The following ESRRB variants were observed in gnomAD, a reference collection of about 807,000 sequenced individuals.
The protein encoded by ESRRB is steroid hormone receptor ERR2.
Under a neutral mutation model 46.0 loss-of-function variants are expected in ESRRB, and 16 were observed. The observed-to-expected ratio is 0.35, with a 90% confidence interval of 0.24 to 0.53. The LOEUF (loss-of-function observed/expected upper bound fraction) is 0.53, where lower values mean the gene tolerates loss of function less well. Among genes scored for constraint, ESRRB ranks in the 20% least tolerant of loss-of-function variants. ESRRB has a pLI of 0.93. For missense variants in ESRRB, 488 were observed against 607.4 expected, an observed-to-expected ratio of 0.80 and a Z score of 2.07; for synonymous variants, 246 against 259.6, an observed-to-expected ratio of 0.95 and a Z score of 0.50.
chr14:76,470,703 A>C (rs1203623730), intron 3 of ESRRB, among the ~76,000 whole-genome samples: 1 of 152,132 alleles, frequency 6.6e-6, no homozygotes, highest in Non-Finnish European at 1.5e-5. Context: ...TGCTGTTTTT[A>C]AAGAGACAAG....
At chr14:76,332,176 G>A (rs1281893184) in intron 1 of ESRRB, among the ~76,000 whole-genome samples, 1 of 151,802 alleles carries the variant, frequency 6.6e-6, no homozygotes, top group Admixed American at 6.6e-5. Context: ...TCCCTGCAGA[G>A]GTGACATGTA....
intron 5 of ESRRB, among the ~76,000 whole-genome samples, 169 bp from the exon 6 acceptor site, chr14:76,491,278 A>G (rs1334040123): frequency 1.3e-5 from 2 of 152,148 alleles, no homozygotes; most frequent in African/African-American, 4.8e-5. Flanking sequence ...CAAGGGGAGG[A>G]CAGTGAGTCT....
chr14:76,462,710 G>A, intron 3 of ESRRB, 49 bp downstream of exon 3: 1 of 1,423,708 alleles, frequency 7.0e-7, no homozygotes, highest in South Asian at 1.1e-5. Flanking sequence ...CTGCTTGCTG[G>A]GGAGTTTTTG....
At chr14:76,485,438 C>T (rs1003334438) in intron 5 of ESRRB, among the ~76,000 whole-genome samples, 19 of 151,820 alleles carry the variant, frequency 1.3e-4, no homozygotes, top group Non-Finnish European at 2.6e-4. Flanking sequence ...GATGGGGTTT[C>T]ACCATGTTGG....
chr14:76,318,487 A>ATGAAACAGTT (rs1883828301), intron 1 of ESRRB, among the ~76,000 whole-genome samples: 1 of 152,226 alleles, frequency 6.6e-6, no homozygotes, highest in African/African-American at 2.4e-5. Flanking sequence ...GGTGACCTCC[A>ATGAAACAGTT]TGAAACAGTT....
intron 1 of ESRRB, among the ~76,000 whole-genome samples, chr14:76,322,567 A>C (rs1219177551): frequency 3.3e-5 from 5 of 151,708 alleles, no homozygotes; most frequent in Admixed American, 3.3e-4. Flanking sequence ...GTTTTTCCCC[A>C]CCATACTCTT....
intron 1 of ESRRB, among the ~76,000 whole-genome samples, chr14:76,411,606 G>A (rs1338851194): frequency 6.6e-6 from 1 of 152,184 alleles, no homozygotes; most frequent in Admixed American, 6.5e-5. Context: ...TAGACACTGT[G>A]TGTGTTGCAG....
intron 1 of ESRRB, among the ~76,000 whole-genome samples, chr14:76,435,567 C>G (rs183833473): frequency 1.3e-5 from 2 of 152,182 alleles, no homozygotes; most frequent in Admixed American, 1.3e-4. Flanking sequence ...TGGTGGCTCA[C>G]GCCTGTAATC....
intron 1 of ESRRB, among the ~76,000 whole-genome samples, chr14:76,416,836 T>C (rs113416463): frequency 3.3e-5 from 5 of 152,276 alleles, no homozygotes; most frequent in African/African-American, 9.6e-5. Flanking sequence ...GATTCTGAGA[T>C]AAAACAATTA....
At chr14:76,457,167 C>T (rs56021163) in intron 2 of ESRRB, among the ~76,000 whole-genome samples, 43,537 of 152,050 alleles carry the variant, frequency 0.29, 6,447 homozygotes, top group African/African-American at 0.35. Context: ...GTGGTTACCC[C>T]TCTGCCTTAA....
intron 1 of ESRRB, among the ~76,000 whole-genome samples, chr14:76,353,981 G>C (rs1277400769): frequency 6.6e-6 from 1 of 152,000 alleles, no homozygotes; most frequent in African/African-American, 2.4e-5. Flanking sequence ...ATAAAGAAAA[G>C]AAAAGAAAAC....
rs143162789 is a variant in ESRRB at position 76,336,847 on chromosome 14, T to G, written c.2+25931T>G. Among the ~76,000 whole-genome samples, 312 of 152,072 alleles carry G rather than the reference T, an allele frequency of 2.1e-3. 2 individuals are homozygous for G. The highest frequency in any genetic ancestry group is 6.5e-3 in the African/African-American group (270 of 41,448). Reference sequence around the variant, plus strand: ...TCTATTTCAGTGTATCTTACATTTATGGGGGTGGGGGATGGAGGAGGCAGA... The same window carrying G: ...TCTATTTCAGTGTATCTTACATTTAGGGGGGTGGGGGATGGAGGAGGCAGA... On this transcript the variant is annotated intron_variant, in intron 1 of 6. Coordinates refer to the ESRRB transcript ENST00000512784.
chr14:76,353,174 G>A (rs867372519), intron 1 of ESRRB, among the ~76,000 whole-genome samples: 1 of 152,236 alleles, frequency 6.6e-6, no homozygotes, highest in African/African-American at 2.4e-5. Context: ...AACAGCCCCT[G>A]GATAGAGCTG....
chr14:76,435,409 C>T (rs1015216968), intron 1 of ESRRB, among the ~76,000 whole-genome samples: 2 of 152,208 alleles, frequency 1.3e-5, no homozygotes, highest in South Asian at 2.1e-4. Flanking sequence ...AAAGTATGAG[C>T]GTCTTGAGAT....
chr14:76,330,120 C>T (rs1239421876), intron 1 of ESRRB, among the ~76,000 whole-genome samples: 1 of 152,042 alleles, frequency 6.6e-6, no homozygotes, highest in Non-Finnish European at 1.5e-5. Flanking sequence ...CTCCCTCTCT[C>T]TGTGTACCCA....
At chr14:76,477,749 T>A (rs1469750847) in intron 3 of ESRRB, among the ~76,000 whole-genome samples, 1 of 152,120 alleles carries the variant, frequency 6.6e-6, no homozygotes, top group Non-Finnish European at 1.5e-5. Context: ...ACTGTTTTTT[T>A]AACAGCGTAA....
At chr14:76,453,085 C>A (rs551721796) in intron 2 of ESRRB, among the ~76,000 whole-genome samples, 8 of 152,354 alleles carry the variant, frequency 5.3e-5, no homozygotes, top group Non-Finnish European at 1.2e-4. Context: ...CAAGGCCCAG[C>A]AATCTGATTT....
intron 2 of ESRRB, among the ~76,000 whole-genome samples, chr14:76,441,155 C>T (rs773749005): frequency 6.6e-6 from 1 of 152,116 alleles, no homozygotes; most frequent in African/African-American, 2.4e-5. Context: ...TGGGCTCAAG[C>T]CATCCTACCA....
At chr14:76,485,649 GAGAGAGAGAGAA>G (rs1889984072) in intron 5 of ESRRB, among the ~76,000 whole-genome samples, 1 of 151,374 alleles carries the variant, frequency 6.6e-6, no homozygotes, top group African/African-American at 2.4e-5. Flanking sequence ...GAGAGAGAGA[GAGAGAGAGAGAA>G]AGAAAGAGAG....
Sources: allele counts gnomAD v4.1 joint callset (sites outside exome capture counted in the v4.1 genomes callset), GRCh38; gene constraint gnomAD v4.1.1; transcripts MANE v1.5; gene names NCBI Gene and HGNC (gene_info 2026-07-23, HGNC 2026-07-21).